ZFAND3: variants seen among roughly 807,000 people sequenced by gnomAD.
The protein encoded by ZFAND3 is AN1-type zinc finger protein 3.
In ZFAND3, 10 loss-of-function variants were observed where a neutral mutation model predicts 29.6. That is an observed-to-expected ratio of 0.34 (90% CI 0.21 to 0.57). The LOEUF is 0.57. Ranked by LOEUF, ZFAND3 falls within the 20% of genes least tolerant of loss-of-function variation. ZFAND3 has a pLI of 0.86. For missense variants in ZFAND3, 230 were observed against 304.5 expected, an observed-to-expected ratio of 0.76 and a Z score of 1.82; for synonymous variants, 128 against 112.6, an observed-to-expected ratio of 1.14 and a Z score of -0.87.
At chr6:37,842,859 C>T (rs1484648966) in intron 1 of ZFAND3, among the ~76,000 whole-genome samples, 4 of 151,990 alleles carry the variant, frequency 2.6e-5, no homozygotes, top group African/African-American at 4.8e-5. Context: ...TGGTGGCTCA[C>T]GCCTGTAATC....
chr6:38,140,450 AG>A, intron 5 of ZFAND3, among the ~76,000 whole-genome samples: 1 of 152,298 alleles, frequency 6.6e-6, no homozygotes, highest in Non-Finnish European at 1.5e-5. Flanking sequence ...ATAATTGAAA[AG>A]GGTCATTAGA....
At chr6:38,138,852 A>G (rs1237603880) in intron 5 of ZFAND3, among the ~76,000 whole-genome samples, 1 of 152,222 alleles carries the variant, frequency 6.6e-6, no homozygotes, top group African/African-American at 2.4e-5. Context: ...TGAGATTCCT[A>G]GCATTATTCT....
intron 2 of ZFAND3, among the ~76,000 whole-genome samples, chr6:38,007,164 C>T (rs1369600205): frequency 1.3e-5 from 2 of 152,070 alleles, no homozygotes; most frequent in African/African-American, 2.4e-5. Context: ...ACAAATGTAA[C>T]AATATAGCAT....
intron 5 of ZFAND3, 105 bp downstream of exon 5, chr6:38,116,844 G>A: frequency 1.4e-6 from 2 of 1,435,054 alleles, no homozygotes; most frequent in Admixed American, 2.2e-5. Context: ...TCTGAGTACT[G>A]TAAGTTTGCT....
chr6:37,962,845 GT>G (rs1288116612), intron 2 of ZFAND3, among the ~76,000 whole-genome samples: 1 of 152,112 alleles, frequency 6.6e-6, no homozygotes, highest in African/African-American at 2.4e-5. Flanking sequence ...CACTCTTTGG[GT>G]CCGCACTGCC....
chr6:37,944,192 TTAAA>T (rs1761859980), intron 2 of ZFAND3, among the ~76,000 whole-genome samples: 2 of 152,312 alleles, frequency 1.3e-5, no homozygotes, highest in South Asian at 4.1e-4. Context: ...AAATTTTTAT[TTAAA>T]TATGACAGTT....
intron 1 of ZFAND3, among the ~76,000 whole-genome samples, chr6:37,879,650 C>T (rs1250484293): frequency 6.6e-6 from 1 of 152,070 alleles, no homozygotes; most frequent in African/African-American, 2.4e-5. Flanking sequence ...AAAGAGTATT[C>T]AAGTAACTGG....
At chr6:37,842,059 C>A (rs538430166) in intron 1 of ZFAND3, among the ~76,000 whole-genome samples, 1 of 152,104 alleles carries the variant, frequency 6.6e-6, no homozygotes. Context: ...CTAAGGTGCT[C>A]CCTTCATCCT....
At chr6:38,016,642 T>G (rs1763257513) in intron 2 of ZFAND3, among the ~76,000 whole-genome samples, 1 of 152,230 alleles carries the variant, frequency 6.6e-6, no homozygotes, top group Non-Finnish European at 1.5e-5. Flanking sequence ...TCCTCACTCT[T>G]AATGGATTTG....
At chr6:38,136,144 G>A (rs1765838822) in intron 5 of ZFAND3, among the ~76,000 whole-genome samples, 1 of 152,276 alleles carries the variant, frequency 6.6e-6, no homozygotes, top group Non-Finnish European at 1.5e-5. Context: ...GCCTGAGGAT[G>A]CCACCGCTTA....
intron 2 of ZFAND3, among the ~76,000 whole-genome samples, chr6:37,983,033 G>A (rs939515133): frequency 6.6e-6 from 1 of 152,106 alleles, no homozygotes; most frequent in African/African-American, 2.4e-5. Context: ...ATAGAATAAG[G>A]ATATAAAGAA....
At chr6:37,869,123 C>T (rs564918709) in intron 1 of ZFAND3, among the ~76,000 whole-genome samples, 4 of 152,206 alleles carry the variant, frequency 2.6e-5, no homozygotes, top group African/African-American at 7.2e-5. Flanking sequence ...TTGTATCGTT[C>T]ATTTAATAAT....
intron 5 of ZFAND3, among the ~76,000 whole-genome samples, chr6:38,145,859 T>C (rs1357283747): frequency 6.6e-6 from 1 of 152,168 alleles, no homozygotes; most frequent in Non-Finnish European, 1.5e-5. Context: ...TACCTGTCCT[T>C]CCGAGAGAAG....
intron 5 of ZFAND3, among the ~76,000 whole-genome samples, chr6:38,126,920 ATTG>A (rs1310586029): frequency 6.9e-6 from 1 of 145,754 alleles, no homozygotes; most frequent in African/African-American, 2.6e-5. Context: ...TTATTTTTAG[ATTG>A]TTTTTTTTTT....
intron 2 of ZFAND3, among the ~76,000 whole-genome samples, chr6:38,027,783 G>A (rs1380011204): frequency 6.6e-6 from 1 of 152,248 alleles, no homozygotes; most frequent in African/African-American, 2.4e-5. Context: ...GGTTGGGTAA[G>A]TGGAAGACTG....
At chr6:38,035,777 G>A (rs1200564292) in intron 2 of ZFAND3, among the ~76,000 whole-genome samples, 2 of 152,180 alleles carry the variant, frequency 1.3e-5, no homozygotes, top group Non-Finnish European at 2.9e-5. Flanking sequence ...TGTTTAGGGT[G>A]GGAATTTCTA....
chr6:37,975,519 T>C (rs1033501463), intron 2 of ZFAND3, among the ~76,000 whole-genome samples: 6 of 152,182 alleles, frequency 3.9e-5, no homozygotes, highest in African/African-American at 1.4e-4. Flanking sequence ...TTTTTCTGCA[T>C]TTTCTTCAGG....
At chr6:37,948,793 T>C (rs1761945365) in intron 2 of ZFAND3, among the ~76,000 whole-genome samples, 1 of 152,240 alleles carries the variant, frequency 6.6e-6, no homozygotes. Context: ...TCTTGTTCTT[T>C]TTTATGGCTG....
intron 3 of ZFAND3, among the ~76,000 whole-genome samples, chr6:38,065,773 G>A (rs766227434): frequency 7.9e-5 from 12 of 152,134 alleles, no homozygotes; most frequent in Non-Finnish European, 1.5e-4. Context: ...AAATGCTACC[G>A]AGGCTGTAAA....
Sources: allele counts gnomAD v4.1 joint callset (sites outside exome capture counted in the v4.1 genomes callset), GRCh38; gene constraint gnomAD v4.1.1; transcripts MANE v1.5; gene names NCBI Gene and HGNC (gene_info 2026-07-23, HGNC 2026-07-21).